TRMT44: variants seen among roughly 807,000 people sequenced by gnomAD.
TRMT44 encodes the protein probable tRNA (uracil-O(2)-)-methyltransferase.
A neutral mutation model predicts 77.3 loss-of-function variants in TRMT44; 78 were observed. The ratio of observed to expected loss-of-function variants is 1.01; its 90% CI spans 0.84 to 1.22. The LOEUF (loss-of-function observed/expected upper bound fraction) is 1.22. TRMT44 is among the 50% of genes most tolerant of loss of function. The pLI, the probability that TRMT44 is intolerant of heterozygous loss-of-function variation, is 0.00. For synonymous variants in TRMT44, 391 were observed against 383.3 expected, an observed-to-expected ratio of 1.02 and a Z score of -0.23; for missense variants, 1,090 against 964.4, an observed-to-expected ratio of 1.13 and a Z score of -1.73.
At chr4:8,507,677 C>G in the TRMT44 span, among the ~76,000 whole-genome samples, 5 of 152,202 alleles carry the variant, frequency 3.3e-5, no homozygotes, top group Admixed American at 6.5e-5. Context: ...TTGCTGGGAT[C>G]CTGGGTCCTG....
chr4:8,513,333 T>C, the TRMT44 span, among the ~76,000 whole-genome samples: 1 of 152,114 alleles, frequency 6.6e-6, no homozygotes, highest in African/African-American at 2.4e-5. Context: ...TTTAGAACCA[T>C]CAGATCTCAT....
the TRMT44 span, among the ~76,000 whole-genome samples, chr4:8,506,083 T>G: frequency 1.3e-5 from 2 of 152,204 alleles, no homozygotes; most frequent in African/African-American, 2.4e-5. Flanking sequence ...GCACCATAGT[T>G]GGGGACGAGG....
At chr4:8,456,713 A>G (rs999328375) in intron 6 of TRMT44, among the ~76,000 whole-genome samples, 16 of 152,236 alleles carry the variant, frequency 1.1e-4, no homozygotes, top group Non-Finnish European at 2.2e-4. Flanking sequence ...GAAAAGGTGA[A>G]GTCATTATAT....
chr4:8,505,119 C>G, the TRMT44 span, among the ~76,000 whole-genome samples: 1 of 152,210 alleles, frequency 6.6e-6, no homozygotes, highest in African/African-American at 2.4e-5. Flanking sequence ...ACTGAGGGCC[C>G]TGGCAGCCTC....
At chr4:8,513,548 T>C in the TRMT44 span, among the ~76,000 whole-genome samples, 2 of 152,090 alleles carry the variant, frequency 1.3e-5, no homozygotes, top group Non-Finnish European at 2.9e-5. Context: ...CAGACCATAA[T>C]AGAATGAAAA....
At position 8,441,299 on chromosome 4, in the gene TRMT44, G is replaced by T. The variant is rs951402177; in HGVS notation, c.477G>T (p.Glu159Asp). ...AAAGTCTCGCCCGTGGCAATTCGGAGTTGCTGGCCTTCCTCACCAGCTCCG... is the reference window on the plus strand; with the variant it reads ...AAAGTCTCGCCCGTGGCAATTCGGATTTGCTGGCCTTCCTCACCAGCTCCG... ...FSQSLARGNS[E>D]LLAFLTSSGA... is the part of the protein sequence containing the mutation. The change falls in exon 1 of 11, where the codon GAG (glutamate) becomes GAT (aspartate). Residue 159 changes from glutamate to aspartate, a missense_variant. By Grantham distance (45) the Glu-to-Asp change is conservative. Transcript: ENST00000389737. The T allele has an allele frequency of 6.5e-7, 1 of 1,535,610 alleles. No individual in the cohort carries two copies. Among genetic ancestry groups the T allele is most frequent in the Non-Finnish European group, 8.7e-7 (1 of 1,146,706 alleles).
intron 2 of TRMT44, among the ~76,000 whole-genome samples, chr4:8,483,491 A>G (rs961979724): frequency 2.0e-5 from 3 of 152,190 alleles, no homozygotes; most frequent in African/African-American, 7.2e-5. Flanking sequence ...GCGTCTATAC[A>G]GGAGCTCAAA....
At chr4:8,501,629 G>T in the TRMT44 span, among the ~76,000 whole-genome samples, 1 of 152,292 alleles carries the variant, frequency 6.6e-6, no homozygotes, top group Admixed American at 6.5e-5. The surrounding 1 kb of genome is among the most constrained non-coding windows in gnomAD (Gnocchi z 4.4). Context: ...CGGCAGACGG[G>T]ACATTCCTTT....
At chr4:8,491,407 T>C (rs137993005) in intron 2 of TRMT44, among the ~76,000 whole-genome samples, 3,408 of 152,330 alleles carry the variant, frequency 0.022, 269 homozygotes, top group Admixed American at 0.15. Context: ...CGCTGTGCGC[T>C]CGCACTCCTC....
Position 8,475,187 on chromosome 4 carries a change from C to T in TRMT44, c.2045-585C>T, listed in dbSNP as rs116778931. Among the ~76,000 whole-genome samples the T allele has an allele frequency of 5.9e-3, 892 of 152,342 alleles. 14 individuals carry two copies. Among genetic ancestry groups the T allele is most frequent in the African/African-American group, 0.02 (841 of 41,578 alleles). On this transcript the variant is annotated intron_variant, in intron 10 of 10. Transcript: ENST00000389737. The stretch of plus-strand genomic sequence containing the variant: ...CTGCACCAGCCCCGTCCTTAGACTG[C>T]GTGGAGGGACCTGCGCCTTGCCCCT...
downstream of TRMT44, among the ~76,000 whole-genome samples, chr4:8,480,401 CT>C (rs1009765567): frequency 6.6e-6 from 1 of 152,240 alleles, no homozygotes; most frequent in Admixed American, 6.5e-5. Context: ...TTAGGGTGGG[CT>C]GCCTGCATGC....
chr4:8,507,960 G>A, the TRMT44 span, among the ~76,000 whole-genome samples: 14 of 152,216 alleles, frequency 9.2e-5, no homozygotes, highest in African/African-American at 2.6e-4. Flanking sequence ...AGGCTGGAGC[G>A]TGACGGTGCA....
the TRMT44 span, among the ~76,000 whole-genome samples, chr4:8,514,394 C>T: frequency 0.01 from 1,549 of 151,922 alleles, 25 homozygotes; most frequent in African/African-American, 0.036. Flanking sequence ...CAACCTCAGC[C>T]TCCTGAGTAG....
chr4:8,472,736 T>A (rs1180239640), intron 10 of TRMT44, among the ~76,000 whole-genome samples: 1 of 152,192 alleles, frequency 6.6e-6, no homozygotes, highest in Non-Finnish European at 1.5e-5. Flanking sequence ...AGCGTGTCCC[T>A]GAGGCTGCCC....
the TRMT44 span, among the ~76,000 whole-genome samples, chr4:8,514,648 C>T: frequency 6.6e-6 from 1 of 152,118 alleles, no homozygotes; most frequent in Non-Finnish European, 1.5e-5. Flanking sequence ...CTGCCCTCAT[C>T]CTTTGAGGCA....
chr4:8,495,593 C>T (rs1033932263), downstream of TRMT44, among the ~76,000 whole-genome samples: 14 of 152,128 alleles, frequency 9.2e-5, no homozygotes, highest in African/African-American at 2.4e-4. Context: ...TGGAGAGGGA[C>T]GACATCACAA....
At chr4:8,447,304 C>G (rs944330411) in intron 2 of TRMT44, among the ~76,000 whole-genome samples, 4 of 152,116 alleles carry the variant, frequency 2.6e-5, no homozygotes, top group Non-Finnish European at 5.9e-5. Flanking sequence ...GTATTTGGGC[C>G]TGTATAGAAA....
chr4:8,467,272 G>A (rs773579801), intron 8 of TRMT44, among the ~76,000 whole-genome samples: 24 of 152,210 alleles, frequency 1.6e-4, no homozygotes, highest in Non-Finnish European at 2.1e-4. Flanking sequence ...CCGCCGGGCG[G>A]CCGAGGGGTG....
intron 8 of TRMT44, among the ~76,000 whole-genome samples, chr4:8,466,450 C>T (rs891980268): frequency 2.0e-5 from 3 of 152,238 alleles, no homozygotes; most frequent in Non-Finnish European, 4.4e-5. Context: ...GTTGTGGGCA[C>T]TCGCTGGCCG....
Sources: gnomAD v4.1 joint callset for allele counts (sites outside exome capture counted in the v4.1 genomes callset) on GRCh38, gnomAD v4.1.1 for gene constraint, Gnocchi (gnomAD v3.1) non-coding constraint, MANE v1.5 for transcripts, NCBI Gene and HGNC (gene_info 2026-07-23, HGNC 2026-07-21) for gene names.